The following CSMD2 variants were observed in gnomAD, a reference collection of about 807,000 sequenced individuals.
CSMD2 encodes CUB and Sushi multiple domains 2.
Under a neutral mutation model 398.5 loss-of-function variants are expected in CSMD2, and 130 were observed. The ratio of observed to expected loss-of-function variants is 0.33; its 90% confidence interval spans 0.28 to 0.38. CSMD2 has a LOEUF of 0.38. Ranked by LOEUF, CSMD2 falls within the 10% of genes least tolerant of loss-of-function variation. CSMD2 has a pLI of 1.00. For synonymous variants in CSMD2, 1,828 were observed against 1,908.5 expected, an observed-to-expected ratio of 0.96 and a Z score of 1.10; for missense variants, 3,829 against 4,764.9, an observed-to-expected ratio of 0.80 and a Z score of 5.78.
chr1:33,583,548 C>T, intron 47 of CSMD2, 94 bp downstream of exon 47: 1 of 1,272,126 alleles, frequency 7.9e-7, no homozygotes, highest in Non-Finnish European at 1.1e-6. Flanking sequence ...TTCTGGCAAG[C>T]CCTGATAGGA....
intron 21 of CSMD2, among the ~76,000 whole-genome samples, chr1:33,712,959 T>C (rs1166268713): frequency 6.6e-6 from 1 of 152,218 alleles, no homozygotes; most frequent in African/African-American, 2.4e-5. Context: ...TTTCTGAGAT[T>C]GTAAAAGGTT....
intron 2 of CSMD2, among the ~76,000 whole-genome samples, chr1:34,070,199 C>A (rs963657646): frequency 6.6e-6 from 1 of 152,208 alleles, no homozygotes; most frequent in Non-Finnish European, 1.5e-5. Context: ...AGGAAGAGTG[C>A]AGTGGAGAAA....
rs987111887 is a variant in CSMD2, at chr1:33,965,718, C to T, written c.518-29764G>A. Among the ~76,000 whole-genome samples, 9 of 152,126 alleles carry T rather than the reference C, an allele frequency of 5.9e-5. No individual in the cohort carries two copies. In the East Asian group the frequency reaches 1.7e-3, roughly 29 times the overall value. Reference sequence around the variant, plus strand: ...CACAGTGCTGGATGAAAATGCAGGGCCTCTTTTTCAAAAAATGGTTCAGAA... The same window carrying T: ...CACAGTGCTGGATGAAAATGCAGGGTCTCTTTTTCAAAAAATGGTTCAGAA... On this transcript the variant is annotated intron_variant, in intron 3 of 70. Transcript: ENST00000373381.
At chr1:33,940,570 GCA>G in intron 3 of CSMD2, among the ~76,000 whole-genome samples, 1 of 152,106 alleles carries the variant, frequency 6.6e-6, no homozygotes, top group African/African-American at 2.4e-5. Context: ...AAAAAAACAG[GCA>G]CAGAGAGCTT....
At chr1:33,790,661 GTCTATCTATCTA>G (rs72105736) in intron 11 of CSMD2, among the ~76,000 whole-genome samples, 32,275 of 149,742 alleles carry the variant, frequency 0.22, 3,594 homozygotes, top group East Asian at 0.36. Context: ...CTGTTTGTCT[GTCTATCTATCTA>G]TCTATCTATC....
At chr1:33,884,615 T>C (rs569035107) in intron 5 of CSMD2, 42 of 152,564 alleles carry the variant, frequency 2.8e-4, no homozygotes, top group East Asian at 3.9e-4. Flanking sequence ...GAGCAGTTTG[T>C]GTCTGTGCCT....
chr1:33,516,401 C>T lies in CSMD2; in HGVS notation c.*223G>A, dbSNP rs1335112830. On this transcript the variant is annotated 3_prime_UTR_variant, in exon 71 of 71. Coordinates refer to ENST00000373381, the MANE Select transcript of CSMD2 (RefSeq NM_001281956.2). ...TCTTCCTCTGTCTGCAGCCCCTCTTCCTTTTCTGCCTTTTCAGGACACGGC... is the reference window on the plus strand; with the variant it reads ...TCTTCCTCTGTCTGCAGCCCCTCTTTCTTTTCTGCCTTTTCAGGACACGGC... 6.6e-6 allele frequency: 1 copy of T among 152,322 alleles called. No homozygotes were observed. Among genetic ancestry groups the T allele is most frequent in the East Asian group, 1.9e-4 (1 of 5,198 alleles). The allele number at this position is 152,322 out of a possible 1,614,324, so 9.4% of individuals were successfully genotyped here. A position where few individuals can be genotyped will look rare whatever the true frequency, so the allele number is the denominator to read the frequency against.
chr1:33,775,687 G>A (rs1250901674), intron 12 of CSMD2, among the ~76,000 whole-genome samples: 1 of 152,232 alleles, frequency 6.6e-6, no homozygotes, highest in Non-Finnish European at 1.5e-5. Flanking sequence ...GGACCTCCAA[G>A]TGGAAATATC....
At chr1:33,604,670 T>G (rs1218011587) in intron 42 of CSMD2, among the ~76,000 whole-genome samples, 1 of 152,106 alleles carries the variant, frequency 6.6e-6, no homozygotes, top group Non-Finnish European at 1.5e-5. Context: ...GGAAGGCAAA[T>G]GGAACTGAAG....
Position 33,580,849 on chromosome 1 carries a change from C to A in CSMD2, c.7291G>T (p.Ala2431Ser). 1 of 1,614,120 alleles carries A rather than the reference C, an allele frequency of 6.2e-7. No homozygotes were observed. Among genetic ancestry groups the A allele is most frequent in the African/African-American group, 1.3e-5 (1 of 75,034 alleles). ...CTTGAGCTGGTGACAATCAGGGGAGCTGAGTAATTCCCACTGAGGGCTTTC... is the reference window on the plus strand; with the variant it reads ...CTTGAGCTGGTGACAATCAGGGGAGATGAGTAATTCCCACTGAGGGCTTTC... ...LLKALSGNYS[A>S]PLIVTSSSNS... Residue 2431 changes from alanine (A) to serine (S), a missense_variant, in exon 48 of 71, where the codon GCT (alanine) becomes TCT (serine). Ala to Ser is a moderately conservative substitution (Grantham distance 99, BLOSUM62 1). Transcript: ENST00000373381.
At position 33,721,119 on chromosome 1, in the gene CSMD2, T is replaced by C. The variant is rs113500598; in HGVS notation, c.3001+3078A>G. ...TCTTGTTGATTCTCTGCTGAGCACC[T>C]TTCAACCGGGCTATGTCCTGTTCAT... On this transcript the variant is annotated intron_variant, in intron 19 of 70. Coordinates refer to ENST00000373381, the MANE Select transcript of CSMD2 (RefSeq NM_001281956.2). Among the ~76,000 whole-genome samples the C allele has an allele frequency of 3.9e-5, 6 of 152,346 alleles. 1 individual carries two copies. Among genetic ancestry groups the C allele is most frequent in the African/African-American group, 1.2e-4 (5 of 41,580 alleles).
At chr1:33,649,907 A>T (rs914583032) in intron 28 of CSMD2, among the ~76,000 whole-genome samples, 6 of 152,178 alleles carry the variant, frequency 3.9e-5, no homozygotes, top group Non-Finnish European at 7.3e-5. Flanking sequence ...ACTGGGAGGC[A>T]CGGGGCACAG....
intron 2 of CSMD2, among the ~76,000 whole-genome samples, chr1:34,036,973 C>T (rs1285416707): frequency 6.6e-6 from 1 of 152,108 alleles, no homozygotes; most frequent in Non-Finnish European, 1.5e-5. Flanking sequence ...CATTGTCTGG[C>T]TGGACACATA....
rs767914404 is a variant in CSMD2 at position 33,519,478 on chromosome 1, C to T, written c.*40G>A. ...ACCCCTGCTCACCGGCTGCTGGAGG[C>T]GGGGCTCTCGGTGGCGGTGGTGGCG... On this transcript the variant is annotated 3_prime_UTR_variant, in exon 70 of 71. Coordinates refer to ENST00000373381, the MANE Select transcript of CSMD2 (RefSeq NM_001281956.2). The surrounding 1 kb of genome is among the most constrained non-coding windows in gnomAD (Gnocchi z 5.6). 11 of 1,598,736 alleles carry T rather than the reference C, an allele frequency of 6.9e-6. No homozygotes were observed. Among genetic ancestry groups the T allele is most frequent in the South Asian group, 1.1e-5 (1 of 90,544 alleles).
chr1:33,688,284 T>C (rs1298192195), intron 25 of CSMD2, among the ~76,000 whole-genome samples: 7 of 152,138 alleles, frequency 4.6e-5, no homozygotes, highest in African/African-American at 1.7e-4. Flanking sequence ...TGGTGACATA[T>C]GATTAAGAGG....
At chr1:34,023,088 G>A (rs1026257776) in intron 3 of CSMD2, among the ~76,000 whole-genome samples, 29 of 152,108 alleles carry the variant, frequency 1.9e-4, no homozygotes, top group Non-Finnish European at 2.4e-4. Context: ...CTCTGGCCTT[G>A]GCCTCCCAAA....
intron 3 of CSMD2, among the ~76,000 whole-genome samples, chr1:33,941,936 C>T (rs1015096058): frequency 7.9e-5 from 12 of 152,118 alleles, no homozygotes; most frequent in African/African-American, 2.9e-4. Flanking sequence ...ATACATCCAT[C>T]TGTTTATTGT....
intron 1 of CSMD2, among the ~76,000 whole-genome samples, chr1:34,111,346 C>A (rs183907508): frequency 1.2e-4 from 18 of 152,320 alleles, no homozygotes; most frequent in Admixed American, 7.8e-4. Context: ...AAGGAAGGAT[C>A]CTGAATGCCA....
At chr1:33,954,928 A>G (rs1227090794) in intron 3 of CSMD2, among the ~76,000 whole-genome samples, 1 of 152,172 alleles carries the variant, frequency 6.6e-6, no homozygotes, top group Non-Finnish European at 1.5e-5. Context: ...CTTAATGCCA[A>G]TGAACTAACT....
Sources: allele counts gnomAD v4.1 joint callset (sites outside exome capture counted in the v4.1 genomes callset), GRCh38; gene constraint gnomAD v4.1.1; non-coding constraint Gnocchi (gnomAD v3.1); transcripts MANE v1.5; gene names NCBI Gene and HGNC (gene_info 2026-07-23, HGNC 2026-07-21).